Variants in ATP8A2 observed in about 807,000 individuals in gnomAD.
ATP8A2 encodes ATPase phospholipid transporting 8A2.
A neutral mutation model predicts 165.6 loss-of-function variants in ATP8A2; 100 were observed. The ratio of observed to expected loss-of-function variants is 0.60; its 90% CI spans 0.51 to 0.71. The LOEUF (loss-of-function observed/expected upper bound fraction) is 0.71. Ranked by LOEUF, ATP8A2 falls within the 30% of genes least tolerant of loss-of-function variation. The pLI is 0.00. For missense variants in ATP8A2, 1,227 were observed against 1,479.5 expected, an observed-to-expected ratio of 0.83 and a Z score of 2.80; for synonymous variants, 543 against 548.8, an observed-to-expected ratio of 0.99 and a Z score of 0.15.
At chr13:25,676,442 G>T (rs545002282) in intron 24 of ATP8A2, among the ~76,000 whole-genome samples, 2 of 152,226 alleles carry the variant, frequency 1.3e-5, no homozygotes, top group African/African-American at 4.8e-5. Context: ...CATCTCAGGG[G>T]TCTGCAGAAG....
rs1316240756 is a variant in ATP8A2, at chr13:25,661,931, A to G, written c.2212-37242A>G. Among the ~76,000 whole-genome samples, 3 of 152,234 alleles carry G rather than the reference A, an allele frequency of 2.0e-5. No individual in the cohort carries two copies. In the East Asian group the frequency reaches 5.8e-4, roughly 29 times the overall value. ...CATTTAGAGATGGGTAGTAAGAACA[A>G]TGAGGATCTTAGGGACTGAGTATCT... is the stretch of plus-strand genomic sequence containing the variant. On this transcript the variant is annotated intron_variant, in intron 24 of 36. Coordinates refer to ENST00000381655, the MANE Select transcript of ATP8A2 (RefSeq NM_016529.6).
chr13:25,569,286 C>T (rs980201373), intron 16 of ATP8A2, among the ~76,000 whole-genome samples: 1 of 152,144 alleles, frequency 6.6e-6, no homozygotes, highest in African/African-American at 2.4e-5. Context: ...CTTTTCTCTT[C>T]ATGATAAGAA....
intron 1 of ATP8A2, among the ~76,000 whole-genome samples, chr13:25,452,038 A>T (rs985804691): frequency 1.3e-5 from 2 of 152,008 alleles, no homozygotes; most frequent in African/African-American, 2.4e-5. Flanking sequence ...TATTTTTAGT[A>T]GAGACGGGGT....
At chr13:25,645,316 T>C (rs1198837516) in intron 24 of ATP8A2, among the ~76,000 whole-genome samples, 1 of 152,186 alleles carries the variant, frequency 6.6e-6, no homozygotes, top group Non-Finnish European at 1.5e-5. Flanking sequence ...CTGGCCCCTG[T>C]GATTCAATTA....
chr13:25,814,202 A>T (rs957848314), intron 27 of ATP8A2, among the ~76,000 whole-genome samples: 1 of 152,162 alleles, frequency 6.6e-6, no homozygotes, highest in South Asian at 2.1e-4. Context: ...TAGCCACATT[A>T]AAAAGTGATG....
chr13:25,758,885 T>C (rs921488647), intron 25 of ATP8A2, among the ~76,000 whole-genome samples: 2 of 152,196 alleles, frequency 1.3e-5, no homozygotes, highest in Non-Finnish European at 2.9e-5. Context: ...AAACAGTCTT[T>C]GGGTTTTAGA....
At chr13:25,787,214 C>T (rs2045052080) in intron 27 of ATP8A2, among the ~76,000 whole-genome samples, 2 of 152,244 alleles carry the variant, frequency 1.3e-5, no homozygotes, top group Non-Finnish European at 2.9e-5. Context: ...TGTAGTTAAC[C>T]CCTGTCCCCC....
At chr13:25,850,331 C>G (rs1328623400) in intron 30 of ATP8A2, among the ~76,000 whole-genome samples, 1 of 152,128 alleles carries the variant, frequency 6.6e-6, no homozygotes, top group Non-Finnish European at 1.5e-5. Flanking sequence ...TTTATAGAGA[C>G]TTTTTTGGAG....
intron 2 of ATP8A2, among the ~76,000 whole-genome samples, chr13:25,475,369 GCATAGTGTTC>G (rs554497565): frequency 6.8e-4 from 104 of 152,292 alleles, no homozygotes; most frequent in African/African-American, 2.5e-3. Flanking sequence ...TTTTATGGCT[GCATAGTGTTC>G]CATAGTGTAT....
intron 27 of ATP8A2, among the ~76,000 whole-genome samples, chr13:25,786,917 G>A (rs572963036): frequency 4.0e-5 from 6 of 151,750 alleles, no homozygotes; most frequent in South Asian, 4.2e-4. Context: ...CACCATACCC[G>A]GCTAATTTTT....
At chr13:25,400,760 G>A (rs974099476) in intron 1 of ATP8A2, among the ~76,000 whole-genome samples, 1 of 152,200 alleles carries the variant, frequency 6.6e-6, no homozygotes, top group Non-Finnish European at 1.5e-5. Flanking sequence ...GTGCAGAAAG[G>A]TTCTTGGGCC....
chr13:25,531,385 G>GAT (rs201936199), intron 4 of ATP8A2, among the ~76,000 whole-genome samples: 13 of 71,890 alleles, frequency 1.8e-4, no homozygotes, highest in African/African-American at 5.6e-4. Context: ...TTATATATAT[G>GAT]ATATATATAT....
In ATP8A2 at chr13:25,922,109, G is replaced by A. The variant is rs73472945; in HGVS notation, c.3184-39466G>A. 3.1e-3 allele frequency among the ~76,000 whole-genome samples: 472 copies of A among 152,294 alleles called. 2 individuals are homozygous for A. Among genetic ancestry groups the A allele is most frequent in the African/African-American group, 0.011 (450 of 41,562 alleles). ...TATAACCTCAATATAGAAGAATAAG[G>A]ACGTGGAATTGTACCACATCATCAA... On this transcript the variant is annotated intron_variant, in intron 33 of 36. Transcript: ENST00000381655.
chr13:25,577,716 A>G (rs927843710), intron 20 of ATP8A2, among the ~76,000 whole-genome samples: 1 of 152,204 alleles, frequency 6.6e-6, no homozygotes, highest in Non-Finnish European at 1.5e-5. Context: ...GTTATTGCTT[A>G]TGAGTCTTAC....
intron 25 of ATP8A2, among the ~76,000 whole-genome samples, chr13:25,739,617 G>A (rs1347548596): frequency 6.6e-6 from 1 of 151,856 alleles, no homozygotes; most frequent in East Asian, 1.9e-4. Context: ...AAAAAAAAAA[G>A]CTTAACATAA....
chr13:25,699,449 A>G (rs867573820), intron 25 of ATP8A2, 104 bp downstream of exon 25: 4 of 972,206 alleles, frequency 4.1e-6, no homozygotes, highest in Admixed American at 3.8e-5. Context: ...AAAGTTTTGT[A>G]TCTAAAAAAG....
chr13:25,843,750 C>A (rs1490516381), intron 30 of ATP8A2, among the ~76,000 whole-genome samples: 3 of 152,214 alleles, frequency 2.0e-5, no homozygotes, highest in African/African-American at 7.2e-5. Context: ...CCCTATCCTT[C>A]TGGAAGTATC....
intron 33 of ATP8A2, among the ~76,000 whole-genome samples, chr13:25,930,402 C>T (rs1954738613): frequency 7.2e-6 from 1 of 137,948 alleles, no homozygotes; most frequent in South Asian, 2.7e-4. Context: ...TCCTCCTGTG[C>T]ATTAGGCCTT....
intron 33 of ATP8A2, among the ~76,000 whole-genome samples, chr13:25,902,483 A>G (rs1330151548): frequency 6.6e-6 from 1 of 151,920 alleles, no homozygotes; most frequent in East Asian, 1.9e-4. Context: ...TATGTATCTG[A>G]TATTTACACT....
Sources: gnomAD v4.1 joint callset for allele counts (sites outside exome capture counted in the v4.1 genomes callset) on GRCh38, gnomAD v4.1.1 for gene constraint, MANE v1.5 for transcripts, NCBI Gene and HGNC (gene_info 2026-07-23, HGNC 2026-07-21) for gene names.